DSCAML1: variants seen among roughly 807,000 people sequenced by gnomAD.
The protein encoded by DSCAML1 is cell adhesion molecule DSCAML1.
Under a neutral mutation model 200.5 loss-of-function variants are expected in DSCAML1, and 38 were observed. That is an observed-to-expected ratio of 0.19 (90% CI 0.15 to 0.25). DSCAML1 has a LOEUF of 0.25. Among genes scored for constraint, DSCAML1 ranks in the 10% least tolerant of loss-of-function variants. DSCAML1 has a pLI of 1.00. For synonymous variants in DSCAML1, 1,215 were observed against 1,165.0 expected, an observed-to-expected ratio of 1.04 and a Z score of -0.87; for missense variants, 2,223 against 2,858.8, an observed-to-expected ratio of 0.78 and a Z score of 5.07.
intron 3 of DSCAML1, among the ~76,000 whole-genome samples, chr11:117,701,078 C>T (rs2053659393): frequency 6.6e-6 from 1 of 152,112 alleles, no homozygotes; most frequent in African/African-American, 2.4e-5. Flanking sequence ...CCAGCCTGGC[C>T]AACATGGTGA....
intron 3 of DSCAML1, among the ~76,000 whole-genome samples, chr11:117,754,104 G>A (rs1237138453): frequency 6.6e-6 from 1 of 152,192 alleles, no homozygotes; most frequent in African/African-American, 2.4e-5. Flanking sequence ...TTTTGGATCA[G>A]GGTTGAGCAA....
At position 117,432,518 on chromosome 11, in the gene DSCAML1, GA is replaced by G; in HGVS notation, c.5027-15del. The G allele has an allele frequency of 1.9e-6, 3 of 1,611,760 alleles. No homozygotes were observed. The South Asian group carries it at 3.3e-5, about 18-fold the overall frequency. The stretch of plus-strand genomic sequence containing the variant: ...CCTTGTCATCTCCTGGGGAAAGAAG[GA>G]CAATTACTGGGAGTCCTTTACAATT... On this transcript the variant is annotated splice_polypyrimidine_tract_variant and intron_variant, in intron 29 of 32. Transcript: ENST00000651296.
chr11:117,505,461 G>A lies in DSCAML1; in HGVS notation c.2055C>T (p.Ile685=), dbSNP rs1253066932. Residue 685 remains isoleucine, a synonymous_variant, in exon 9 of 33, where the codon ATC becomes ATT. Coordinates refer to ENST00000651296, the MANE Select transcript of DSCAML1 (RefSeq NM_020693.4). The surrounding 1 kb of genome is among the most constrained non-coding windows in gnomAD (Gnocchi z 6.7). The stretch of plus-strand genomic sequence containing the variant: ...TGGCCTGTCCCTGCTCACCACGCAC[G>A]ATGAGCTGGCGCTCCCGGCTCACGG... ...AATVSRERQL[I]VRVPPRFVVQ... 1.2e-6 allele frequency: 2 copies of A among 1,610,324 alleles called. No homozygotes were observed. Among genetic ancestry groups the A allele is most frequent in the Non-Finnish European group, 1.7e-6 (2 of 1,179,854 alleles).
intron 3 of DSCAML1, among the ~76,000 whole-genome samples, chr11:117,672,124 G>T (rs4509802): frequency 2.5e-4 from 25 of 100,372 alleles, no homozygotes; most frequent in African/African-American, 7.6e-4. Context: ...AAAAAAAAAA[G>T]AAGAAACCTT....
At chr11:117,440,557 C>T (rs2048022659) in intron 21 of DSCAML1, among the ~76,000 whole-genome samples, 1 of 152,124 alleles carries the variant, frequency 6.6e-6, no homozygotes, top group African/African-American at 2.4e-5. Flanking sequence ...ATCTTGGGGG[C>T]TTTGTTGGCA....
intron 3 of DSCAML1, among the ~76,000 whole-genome samples, chr11:117,554,340 A>T (rs540400395): frequency 6.7e-6 from 1 of 148,344 alleles, no homozygotes; most frequent in Non-Finnish European, 1.5e-5. Flanking sequence ...AGTAAAAGAC[A>T]GATACCATGG....
intron 3 of DSCAML1, among the ~76,000 whole-genome samples, chr11:117,775,871 C>T (rs933012670): frequency 6.6e-6 from 1 of 152,072 alleles, no homozygotes; most frequent in Non-Finnish European, 1.5e-5. Context: ...CCTTGAGGAA[C>T]AAGAATCATT....
intron 3 of DSCAML1, among the ~76,000 whole-genome samples, chr11:117,655,253 G>A (rs892527508): frequency 1.3e-5 from 2 of 152,248 alleles, no homozygotes; most frequent in Admixed American, 6.5e-5. Flanking sequence ...GGCTCAATGT[G>A]CAGGCAGAAG....
intron 3 of DSCAML1, among the ~76,000 whole-genome samples, chr11:117,558,012 A>G (rs2050590003): frequency 6.6e-6 from 1 of 152,200 alleles, no homozygotes; most frequent in Admixed American, 6.5e-5. Flanking sequence ...GAGAATGATC[A>G]GGTCCAAAAT....
At chr11:117,776,373 T>C (rs1407293967) in intron 3 of DSCAML1, among the ~76,000 whole-genome samples, 2 of 152,170 alleles carry the variant, frequency 1.3e-5, no homozygotes, top group Non-Finnish European at 2.9e-5. Context: ...CTCACTGTTT[T>C]AGTCACACGA....
chr11:117,556,019 G>A (rs571722730), intron 3 of DSCAML1, among the ~76,000 whole-genome samples: 1 of 152,158 alleles, frequency 6.6e-6, no homozygotes, highest in Non-Finnish European at 1.5e-5. Flanking sequence ...CAGTTGCACT[G>A]TCTGGGGCCA....
intron 3 of DSCAML1, among the ~76,000 whole-genome samples, chr11:117,711,800 T>C (rs1213789232): frequency 6.6e-6 from 1 of 152,226 alleles, no homozygotes; most frequent in Non-Finnish European, 1.5e-5. Context: ...CAGCTAGGAT[T>C]AAGATTCATT....
intron 1 of DSCAML1, among the ~76,000 whole-genome samples, chr11:117,814,690 A>G (rs868490692): frequency 3.3e-5 from 5 of 152,280 alleles, no homozygotes; most frequent in African/African-American, 1.2e-4. Flanking sequence ...GGGGCCTCAG[A>G]TGTGAAGGCA....
In DSCAML1 at chr11:117,481,096, G is replaced by A. The variant is rs1286564603; in HGVS notation, c.2656+78C>T. 15 of 1,379,020 alleles carry A rather than the reference G, an allele frequency of 1.1e-5. No homozygotes were observed. The African/African-American group carries it at 1.8e-4, about 17-fold the overall frequency. The allele number at this position is 1,379,020 out of a possible 1,614,324, so 85.4% of individuals were successfully genotyped here. A position where few individuals can be genotyped will look rare whatever the true frequency, so the allele number is the denominator to read the frequency against. ...CACCATGGCGTAGGCTGTGGCCCCT[G>A]CTCTTTGAGGTGGAGTTAGCGGTGG... On this transcript the variant is annotated intron_variant, in intron 13 of 32. Coordinates refer to ENST00000651296, the MANE Select transcript of DSCAML1 (RefSeq NM_020693.4).
At chr11:117,771,883 GTTA>G (rs144932985) in intron 3 of DSCAML1, among the ~76,000 whole-genome samples, 8 of 152,018 alleles carry the variant, frequency 5.3e-5, no homozygotes, top group African/African-American at 1.9e-4. Flanking sequence ...CATTAATCTT[GTTA>G]TTATTATTAT....
chr11:117,459,020 A>C, intron 18 of DSCAML1, 111 bp from the exon 19 acceptor site: 1 of 1,382,452 alleles, frequency 7.2e-7, no homozygotes, highest in Non-Finnish European at 9.9e-7. Flanking sequence ...TCAGCCCTCG[A>C]CTCCATGGTG....
At chr11:117,524,742 C>T (rs2049943388) in intron 5 of DSCAML1, 63 bp downstream of exon 5, 1 of 1,527,594 alleles carries the variant, frequency 6.5e-7, no homozygotes, top group Non-Finnish European at 8.8e-7. Context: ...CCACACTCCT[C>T]CCCCGACCCC....
intron 14 of DSCAML1, among the ~76,000 whole-genome samples, chr11:117,473,300 C>A (rs1031449418): frequency 6.6e-6 from 1 of 152,052 alleles, no homozygotes; most frequent in Non-Finnish European, 1.5e-5. Flanking sequence ...AGTTTGAGAC[C>A]AGCTGGGACA....
rs2048264424 is a variant in DSCAML1 at position 117,450,535 on chromosome 11, C to T, written c.3708+14G>A. The T allele has an allele frequency of 6.2e-7, 1 of 1,613,278 alleles. No homozygotes were observed. Among genetic ancestry groups the T allele is most frequent in the Non-Finnish European group, 8.5e-7 (1 of 1,179,658 alleles). On this transcript the variant is annotated intron_variant, in intron 20 of 32. Transcript: ENST00000651296. ...CTTCCATCCCCTTCATCATCTGGCC[C>T]TGAACTCACTTACCGGCTGGCCAGA...
Sources: gnomAD v4.1 joint callset for allele counts (sites outside exome capture counted in the v4.1 genomes callset) on GRCh38, gnomAD v4.1.1 for gene constraint, Gnocchi (gnomAD v3.1) non-coding constraint, MANE v1.5 for transcripts, NCBI Gene and HGNC (gene_info 2026-07-23, HGNC 2026-07-21) for gene names.